RNGTT: variants seen among roughly 807,000 people sequenced by gnomAD.
RNGTT encodes the protein RNA guanylyltransferase and 5'-phosphatase, also known as mRNA-capping enzyme.
In RNGTT, 33 loss-of-function variants were observed where a neutral mutation model predicts 79.3. The ratio of observed to expected loss-of-function variants is 0.42; its 90% CI spans 0.32 to 0.56. The LOEUF (loss-of-function observed/expected upper bound fraction) is 0.56. RNGTT is among the 20% of genes least tolerant of loss of function. The pLI is 0.17. For synonymous variants in RNGTT, 222 were observed against 235.9 expected, an observed-to-expected ratio of 0.94 and a Z score of 0.54; for missense variants, 497 against 739.1, an observed-to-expected ratio of 0.67 and a Z score of 3.80.
At chr6:88,626,180 C>G (rs1274905262) in intron 14 of RNGTT, among the ~76,000 whole-genome samples, 1 of 151,924 alleles carries the variant, frequency 6.6e-6, no homozygotes, top group African/African-American at 2.4e-5. Context: ...AAAACAGTAT[C>G]TAATTTAATC....
intron 11 of RNGTT, among the ~76,000 whole-genome samples, chr6:88,810,085 T>TA (rs995838237): frequency 2.6e-5 from 4 of 151,718 alleles, no homozygotes; most frequent in South Asian, 2.1e-4. Flanking sequence ...ATTTTTATAA[T>TA]AAAAAAAATT....
At chr6:88,833,630 A>G (rs925504044) in intron 11 of RNGTT, among the ~76,000 whole-genome samples, 1 of 152,204 alleles carries the variant, frequency 6.6e-6, no homozygotes, top group Non-Finnish European at 1.5e-5. Flanking sequence ...ATCTATGTCA[A>G]TCCTATGGCT....
intron 1 of RNGTT, among the ~76,000 whole-genome samples, chr6:88,953,247 T>C (rs1785315469): frequency 6.6e-6 from 1 of 152,100 alleles, no homozygotes; most frequent in Non-Finnish European, 1.5e-5. Flanking sequence ...TGAAAAATTC[T>C]CCAGAGAGAA....
chr6:88,649,683 C>T (rs940484906), intron 14 of RNGTT, among the ~76,000 whole-genome samples: 6 of 150,490 alleles, frequency 4.0e-5, no homozygotes, highest in Non-Finnish European at 5.9e-5. Context: ...GGTGAAAGAG[C>T]GAGACTAAGT....
intron 14 of RNGTT, among the ~76,000 whole-genome samples, chr6:88,630,816 T>G (rs1214951667): frequency 1.3e-5 from 2 of 152,182 alleles, no homozygotes; most frequent in African/African-American, 4.8e-5. Context: ...CTTGTTTTTT[T>G]GCTTAAATAT....
chr6:88,768,959 G>T (rs888241281), intron 13 of RNGTT, among the ~76,000 whole-genome samples: 1 of 152,084 alleles, frequency 6.6e-6, no homozygotes, highest in Non-Finnish European at 1.5e-5. Flanking sequence ...CAAAAGTATA[G>T]AAAATATTTG....
intron 8 of RNGTT, among the ~76,000 whole-genome samples, chr6:88,876,190 T>C (rs1418768199): frequency 1.3e-5 from 2 of 152,190 alleles, no homozygotes; most frequent in East Asian, 1.9e-4. Context: ...AAAATACATG[T>C]TATAACAATG....
chr6:88,670,759 C>A (rs2127786379), intron 14 of RNGTT, among the ~76,000 whole-genome samples: 1 of 152,192 alleles, frequency 6.6e-6, no homozygotes, highest in Non-Finnish European at 1.5e-5. Context: ...ATGTAGCCCC[C>A]ACTTGCACAA....
chr6:88,832,754 A>T (rs1459570361), intron 11 of RNGTT, among the ~76,000 whole-genome samples: 2 of 152,234 alleles, frequency 1.3e-5, no homozygotes, highest in Non-Finnish European at 2.9e-5. Context: ...CCCATCAAAA[A>T]GTGGGCAAAG....
At chr6:88,662,617 C>T (rs1030879042) in intron 14 of RNGTT, among the ~76,000 whole-genome samples, 4 of 152,204 alleles carry the variant, frequency 2.6e-5, no homozygotes, top group Non-Finnish European at 5.9e-5. Context: ...GACCTGGAAG[C>T]GAGGTGATTA....
chr6:88,681,818 C>T (rs1310430213), intron 13 of RNGTT, among the ~76,000 whole-genome samples: 1 of 152,148 alleles, frequency 6.6e-6, no homozygotes, highest in Non-Finnish European at 1.5e-5. Flanking sequence ...TATACAAATG[C>T]TAACAACTGT....
intron 1 of RNGTT, among the ~76,000 whole-genome samples, chr6:88,945,849 T>C (rs1489882750): frequency 6.6e-6 from 1 of 152,158 alleles, no homozygotes; most frequent in African/African-American, 2.4e-5. Context: ...TGCCTGCTCC[T>C]CCCCTTTCAT....
In RNGTT at chr6:88,641,156, T is replaced by G. The variant is rs183596844; in HGVS notation, c.1507-26761A>C. Among the ~76,000 whole-genome samples the G allele has an allele frequency of 3.1e-4, 47 of 152,084 alleles. No homozygotes were observed. In the East Asian group the frequency reaches 6.8e-3, roughly 22 times the overall value. On this transcript the variant is annotated intron_variant, in intron 14 of 15. Coordinates refer to ENST00000369485, the MANE Select transcript of RNGTT (RefSeq NM_003800.5). The stretch of plus-strand genomic sequence containing the variant: ...GAGTCTGAGACCAGAGTGGCCAAGA[T>G]AGTGAAACCCTGTCTCTACTAAAAA...
chr6:88,885,335 A>C (rs1026075323), intron 8 of RNGTT, among the ~76,000 whole-genome samples: 1 of 152,204 alleles, frequency 6.6e-6, no homozygotes, highest in African/African-American at 2.4e-5. Context: ...TACTCAAAAA[A>C]TGAGGGAGAG....
chr6:88,697,337 G>C, intron 13 of RNGTT, among the ~76,000 whole-genome samples: 1 of 151,646 alleles, frequency 6.6e-6, no homozygotes, highest in African/African-American at 2.4e-5. Context: ...GGATCACGAG[G>C]TCAGGAGATC....
intron 8 of RNGTT, among the ~76,000 whole-genome samples, chr6:88,858,077 T>C (rs904571826): frequency 8.3e-4 from 126 of 152,294 alleles, no homozygotes; most frequent in African/African-American, 2.8e-3. Flanking sequence ...ATTCCTCTTC[T>C]TCTGTCATAC....
At chr6:88,796,702 A>G (rs1228434146) in intron 12 of RNGTT, among the ~76,000 whole-genome samples, 1 of 152,182 alleles carries the variant, frequency 6.6e-6, no homozygotes, top group African/African-American at 2.4e-5. Context: ...GGGGGATAGA[A>G]CTACCTTAGA....
chr6:88,946,535 G>A (rs867023562), intron 1 of RNGTT, among the ~76,000 whole-genome samples: 2 of 152,214 alleles, frequency 1.3e-5, no homozygotes, highest in African/African-American at 4.8e-5. Context: ...GTTCAGTGAA[G>A]AAGGTACATT....
intron 1 of RNGTT, among the ~76,000 whole-genome samples, chr6:88,944,461 C>T (rs1784944495): frequency 6.6e-6 from 1 of 152,010 alleles, no homozygotes; most frequent in South Asian, 2.1e-4. Flanking sequence ...GCCCATACTC[C>T]TCCTCCCATT....
Sources: gnomAD v4.1 joint callset for allele counts (sites outside exome capture counted in the v4.1 genomes callset) on GRCh38, gnomAD v4.1.1 for gene constraint, MANE v1.5 for transcripts, NCBI Gene and HGNC (gene_info 2026-07-23, HGNC 2026-07-21) for gene names.